CALN1: variants seen among roughly 807,000 people sequenced by gnomAD.
The protein encoded by CALN1 is calneuron 1.
In CALN1, 17 loss-of-function variants were observed where a neutral mutation model predicts 30.6. That is an observed-to-expected ratio of 0.56 (90% CI 0.38 to 0.83). The LOEUF (loss-of-function observed/expected upper bound fraction) is 0.83, where lower values mean the gene tolerates loss of function less well. Ranked by LOEUF, CALN1 falls within the 40% of genes least tolerant of loss-of-function variation. CALN1 has a pLI of 0.00. For synonymous variants in CALN1, 156 were observed against 131.4 expected (o/e 1.19, Z -1.28); for missense variants, 291 against 354.9 (o/e 0.82, Z 1.45).
intron 5 of CALN1, among the ~76,000 whole-genome samples, chr7:71,842,462 T>C (rs768684446): frequency 6.6e-6 from 1 of 152,238 alleles, no homozygotes; most frequent in Non-Finnish European, 1.5e-5. Flanking sequence ...GTTGGGATTT[T>C]GCCCCTGTGG....
intron 4 of CALN1, among the ~76,000 whole-genome samples, chr7:72,101,301 C>A: frequency 6.6e-6 from 1 of 152,090 alleles, no homozygotes; most frequent in East Asian, 1.9e-4. Flanking sequence ...CTTCTTAGTT[C>A]CAGAAACAGA....
At chr7:72,393,511 G>A (rs1299573894) in intron 2 of CALN1, among the ~76,000 whole-genome samples, 1 of 152,084 alleles carries the variant, frequency 6.6e-6, no homozygotes, top group Non-Finnish European at 1.5e-5. Context: ...CATAACATAT[G>A]AAGTATGTTT....
chr7:72,025,314 A>T (rs1415502234), intron 4 of CALN1, among the ~76,000 whole-genome samples: 7 of 151,420 alleles, frequency 4.6e-5, no homozygotes, highest in Non-Finnish European at 1.0e-4. Flanking sequence ...CCATCTAAAA[A>T]AATAATAATA....
intron 3 of CALN1, among the ~76,000 whole-genome samples, chr7:72,228,772 TATTTATTG>T (rs1213598720): frequency 0.014 from 1,456 of 106,014 alleles, 26 homozygotes; most frequent in African/African-American, 0.048. Flanking sequence ...TTTATTTATT[TATTTATTG>T]AGACAAGGTC....
chr7:72,374,331 C>T (rs563423963), intron 2 of CALN1, among the ~76,000 whole-genome samples: 1 of 152,012 alleles, frequency 6.6e-6, no homozygotes, highest in African/African-American at 2.4e-5. Context: ...GAGCTCAATC[C>T]CAGCCTGGCC....
chr7:72,446,868 G>A (rs938470763), intron 1 of CALN1, among the ~76,000 whole-genome samples: 1 of 152,074 alleles, frequency 6.6e-6, no homozygotes, highest in Non-Finnish European at 1.5e-5. Flanking sequence ...CCCCTTCCTC[G>A]GAAACCCATC....
rs1222075070 is a variant in CALN1 at position 71,922,526 on chromosome 7, GAATAT to G, written c.501+101126_501+101130del. Among the ~76,000 whole-genome samples, 12 of 137,434 alleles carry G rather than the reference GAATAT, an allele frequency of 8.7e-5. No individual in the cohort carries two copies. The East Asian group carries it at 2.0e-3, about 23-fold the overall frequency. 90.2% of individuals were successfully genotyped at this position (137,434 alleles called of 152,430 possible). ...ATAAATACACAATATATAACACACA[GAATAT>G]ATTATATATAAATATATAACACACA... On this transcript the variant is annotated intron_variant, in intron 5 of 6. Transcript: ENST00000395275.
chr7:72,357,963 CCTGG>C, intron 2 of CALN1, among the ~76,000 whole-genome samples: 1 of 151,008 alleles, frequency 6.6e-6, no homozygotes, highest in East Asian at 1.9e-4. Flanking sequence ...CACCACCATG[CCTGG>C]CTAATTTTTT....
chr7:72,481,381 G>A, the CALN1 span, among the ~76,000 whole-genome samples: 4 of 152,166 alleles, frequency 2.6e-5, no homozygotes, highest in Non-Finnish European at 4.4e-5. Context: ...GAGCCACCAC[G>A]CCCAGCTGAT....
At chr7:72,241,976 T>G (rs1021458585) in intron 3 of CALN1, among the ~76,000 whole-genome samples, 2 of 152,198 alleles carry the variant, frequency 1.3e-5, no homozygotes, top group African/African-American at 4.8e-5. Flanking sequence ...CCTCAGGACT[T>G]TTTCATTATC....
At chr7:72,023,866 G>C in intron 4 of CALN1, 97 bp from the exon 5 acceptor site, 1 of 751,976 alleles carries the variant, frequency 1.3e-6, no homozygotes, top group South Asian at 1.9e-5. Context: ...TTCTTGGCAT[G>C]ACCTCAATCA....
intron 4 of CALN1, among the ~76,000 whole-genome samples, chr7:72,056,216 T>C (rs1027026726): frequency 9.8e-5 from 15 of 152,352 alleles, no homozygotes; most frequent in African/African-American, 2.9e-4. Context: ...TGGAATTTTT[T>C]TGGAAATGTC....
intron 3 of CALN1, among the ~76,000 whole-genome samples, chr7:72,265,527 G>A (rs1430145063): frequency 1.3e-5 from 2 of 152,032 alleles, no homozygotes; most frequent in Non-Finnish European, 2.9e-5. Context: ...TACTCAACAG[G>A]TTAACTCATT....
intron 4 of CALN1, among the ~76,000 whole-genome samples, chr7:72,025,063 C>T (rs1258469139): frequency 6.6e-6 from 1 of 152,146 alleles, no homozygotes; most frequent in East Asian, 1.9e-4. Flanking sequence ...GTAATCCCAG[C>T]ACTTTGGAAG....
chr7:71,913,856 T>C (rs1794553977), intron 5 of CALN1: 1 of 152,230 alleles, frequency 6.6e-6, no homozygotes, highest in Admixed American at 6.5e-5. Context: ...CATCTGCAGA[T>C]GCTACAAAAG....
At chr7:71,998,451 G>C (rs1406376814) in intron 5 of CALN1, among the ~76,000 whole-genome samples, 1 of 152,114 alleles carries the variant, frequency 6.6e-6, no homozygotes, top group Non-Finnish European at 1.5e-5. Context: ...TTTAAGAGCA[G>C]GGAAGGTAAT....
At chr7:72,061,149 A>G (rs998637455) in intron 4 of CALN1, among the ~76,000 whole-genome samples, 4 of 152,228 alleles carry the variant, frequency 2.6e-5, no homozygotes, top group Non-Finnish European at 5.9e-5. Context: ...CTGCCTGCTC[A>G]AACAAAAATA....
At chr7:72,342,815 A>G (rs1354920412) in intron 2 of CALN1, among the ~76,000 whole-genome samples, 1 of 152,198 alleles carries the variant, frequency 6.6e-6, no homozygotes, top group Non-Finnish European at 1.5e-5. Context: ...GAGGGTGATG[A>G]AAAGATTCAT....
At chr7:72,341,024 A>G (rs1802356976) in intron 2 of CALN1, among the ~76,000 whole-genome samples, 1 of 151,978 alleles carries the variant, frequency 6.6e-6, no homozygotes, top group African/African-American at 2.4e-5. Context: ...CTTTATCAGC[A>G]ATGTGAAAAC....
Sources: gnomAD v4.1 joint callset for allele counts (sites outside exome capture counted in the v4.1 genomes callset) on GRCh38, gnomAD v4.1.1 for gene constraint, MANE v1.5 for transcripts, NCBI Gene and HGNC (gene_info 2026-07-23, HGNC 2026-07-21) for gene names.